CHKA: variants seen among roughly 807,000 people sequenced by gnomAD.
CHKA encodes choline kinase alpha.
Under a neutral mutation model 60.1 loss-of-function variants are expected in CHKA, and 34 were observed. The observed-to-expected ratio is 0.57, with a 90% CI of 0.43 to 0.75. The LOEUF (loss-of-function observed/expected upper bound fraction) is 0.75. Ranked by LOEUF, CHKA falls within the 30% of genes least tolerant of loss-of-function variation. The probability of loss-of-function intolerance (pLI) is 0.00; values close to 1 mark genes in which losing one functional copy is unlikely to be tolerated. For missense variants in CHKA, 563 were observed against 561.3 expected (o/e 1.00, Z -0.03); for synonymous variants, 217 against 223.1 (o/e 0.97, Z 0.24).
At chr11:68,102,509 T>C (rs1021085054) in intron 1 of CHKA, among the ~76,000 whole-genome samples, 2 of 152,178 alleles carry the variant, frequency 1.3e-5, no homozygotes, top group African/African-American at 4.8e-5. Flanking sequence ...CGCACAAGAA[T>C]GAAATTAGAT....
intron 10 of CHKA, among the ~76,000 whole-genome samples, chr11:68,062,824 G>C (rs956021290): frequency 6.6e-6 from 1 of 152,108 alleles, no homozygotes; most frequent in Non-Finnish European, 1.5e-5. Flanking sequence ...TGTATGCTGC[G>C]GTGAAGCCCA....
chr11:68,108,125 A>G (rs560557700), intron 1 of CHKA, among the ~76,000 whole-genome samples: 27 of 152,292 alleles, frequency 1.8e-4, no homozygotes, highest in African/African-American at 5.3e-4. Context: ...ATGACAGATA[A>G]CAGAAGAAGT....
intron 1 of CHKA, among the ~76,000 whole-genome samples, chr11:68,102,000 T>G (rs1249550888): frequency 6.6e-6 from 1 of 150,852 alleles, no homozygotes; most frequent in African/African-American, 2.4e-5. Flanking sequence ...CTCGGGAGGC[T>G]GAGGCAGGAG....
At chr11:68,115,974 G>A (rs1376597092) in intron 1 of CHKA, among the ~76,000 whole-genome samples, 1 of 152,132 alleles carries the variant, frequency 6.6e-6, no homozygotes, top group Non-Finnish European at 1.5e-5. Context: ...GGCACCATAA[G>A]ACACAATTAA....
intron 2 of CHKA, among the ~76,000 whole-genome samples, chr11:68,083,971 G>A (rs887193103): frequency 1.3e-5 from 2 of 152,070 alleles, no homozygotes; most frequent in Non-Finnish European, 2.9e-5. Context: ...GGGGCCGGCG[G>A]GGGTGGCCCA....
chr11:68,116,581 A>G (rs1250051653), intron 1 of CHKA, among the ~76,000 whole-genome samples: 1 of 151,996 alleles, frequency 6.6e-6, no homozygotes, highest in Non-Finnish European at 1.5e-5. Flanking sequence ...TTAGCTGGAC[A>G]TGGCATGTGA....
intron 2 of CHKA, among the ~76,000 whole-genome samples, chr11:68,092,362 CTCCT>C (rs1857378534): frequency 6.6e-6 from 1 of 152,078 alleles, no homozygotes; most frequent in African/African-American, 2.4e-5. Flanking sequence ...CCATAAATAT[CTCCT>C]TCCATTATAG....
At chr11:68,113,964 C>T (rs1858282305) in intron 1 of CHKA, among the ~76,000 whole-genome samples, 1 of 151,968 alleles carries the variant, frequency 6.6e-6, no homozygotes, top group African/African-American at 2.4e-5. Context: ...GCACTCCAGC[C>T]TGGGCAACAA....
chr11:68,120,229 CAAAA>C (rs148814034), intron 1 of CHKA, among the ~76,000 whole-genome samples: 6 of 116,344 alleles, frequency 5.2e-5, no homozygotes, highest in Non-Finnish European at 3.6e-5. Flanking sequence ...AACTCCGTCT[CAAAA>C]AAAAAAAAAA....
chr11:68,108,232 C>T (rs1487639441), intron 1 of CHKA, among the ~76,000 whole-genome samples: 1 of 152,048 alleles, frequency 6.6e-6, no homozygotes, highest in Non-Finnish European at 1.5e-5. Context: ...GTGGGATGAT[C>T]GCTTGAGCCC....
chr11:68,069,423 G>A (rs149720654), intron 6 of CHKA, among the ~76,000 whole-genome samples: 5,525 of 152,020 alleles, frequency 0.036, 178 homozygotes, highest in Non-Finnish European at 0.049. Context: ...GTGGTGGCTC[G>A]CGCCTGTAAT....
Position 68,073,503 on chromosome 11 carries a change from AG to A in CHKA, c.630+1213del, listed in dbSNP as rs1366693414. The stretch of plus-strand genomic sequence containing the variant: ...ACCCTGTCTCTACTAAAACATAGCC[AG>A]GTGCCAGGGAGCAAACTAAAGGAAA... On this transcript the variant is annotated intron_variant, in intron 4 of 11. Coordinates refer to ENST00000265689, the MANE Select transcript of CHKA (RefSeq NM_001277.3). Among the ~76,000 whole-genome samples the A allele has an allele frequency of 2.0e-5, 3 of 152,318 alleles. No homozygotes were observed. The East Asian group carries it at 5.8e-4, about 29-fold the overall frequency.
At chr11:68,113,553 G>T (rs1858260877) in intron 1 of CHKA, among the ~76,000 whole-genome samples, 1 of 151,790 alleles carries the variant, frequency 6.6e-6, no homozygotes, top group African/African-American at 2.4e-5. Context: ...AAAATTAGCC[G>T]GGCATGGTGG....
At chr11:68,113,048 C>T (rs909109768) in intron 1 of CHKA, among the ~76,000 whole-genome samples, 4 of 120,174 alleles carry the variant, frequency 3.3e-5, no homozygotes, top group Non-Finnish European at 4.8e-5. Flanking sequence ...CACCACTGCA[C>T]TCTAGCCTGG....
intron 10 of CHKA, among the ~76,000 whole-genome samples, chr11:68,064,048 G>T (rs942688196): frequency 1.3e-5 from 2 of 152,084 alleles, no homozygotes; most frequent in African/African-American, 4.8e-5. Context: ...GCATAGTCTC[G>T]GCCACAATGG....
At chr11:68,084,874 G>C (rs1176612676) in intron 2 of CHKA, among the ~76,000 whole-genome samples, 1 of 150,834 alleles carries the variant, frequency 6.6e-6, no homozygotes, top group Non-Finnish European at 1.5e-5. Flanking sequence ...TCTACTTTAG[G>C]GTATATCTGA....
At chr11:68,065,928 G>A in intron 8 of CHKA, 34 bp from the exon 9 acceptor site, 1 of 1,477,382 alleles carries the variant, frequency 6.8e-7, no homozygotes, top group Non-Finnish European at 9.4e-7. Context: ...CACACAATGA[G>A]GCAAACCGTA....
chr11:68,060,075 G>A (rs569990639), intron 11 of CHKA, among the ~76,000 whole-genome samples: 79 of 145,962 alleles, frequency 5.4e-4, no homozygotes, highest in African/African-American at 2.0e-3. Context: ...CGCCCAGGCT[G>A]GAGTGCAGTG....
Position 68,074,757 on chromosome 11 carries a change from T to G in CHKA, c.590A>C (p.Tyr197Ser). 1 of 1,614,182 alleles carries G rather than the reference T, an allele frequency of 6.2e-7. No homozygotes were observed. ...CAGTCGGCCTTGGGGAAAGATGCCA[T>G]AGAGTTTTGGCCCAAGTGACCTCTC... Reference protein sequence around the residue: ...LAERSLGPKLYGIFPQGRLEQ... With the variant: ...LAERSLGPKLSGIFPQGRLEQ... Residue 197 changes from tyrosine (Y) to serine (S), a missense_variant, in exon 4 of 12, where the codon TAT (tyrosine) becomes TCT (serine). Transcript: ENST00000265689.
Sources: gnomAD v4.1 joint callset for allele counts (sites outside exome capture counted in the v4.1 genomes callset) on GRCh38, gnomAD v4.1.1 for gene constraint, MANE v1.5 for transcripts, NCBI Gene and HGNC (gene_info 2026-07-23, HGNC 2026-07-21) for gene names.